FHIP2A: variants seen among roughly 807,000 people sequenced by gnomAD.
FHIP2A encodes family with sequence similarity 160 member B1.
In FHIP2A, 46 loss-of-function variants were observed where a neutral mutation model predicts 93.5. That is an observed-to-expected ratio of 0.49 (90% confidence interval 0.39 to 0.63). FHIP2A has a LOEUF of 0.63. FHIP2A is among the 20% of genes least tolerant of loss of function. FHIP2A has a pLI of 0.00. For missense variants in FHIP2A, 769 were observed against 909.7 expected, an observed-to-expected ratio of 0.85 and a Z score of 1.99; for synonymous variants, 332 against 326.5, an observed-to-expected ratio of 1.02 and a Z score of -0.18.
intron 16 of FHIP2A, among the ~76,000 whole-genome samples, chr10:114,885,305 G>A (rs1173216912): frequency 6.6e-6 from 1 of 150,912 alleles, no homozygotes; most frequent in Non-Finnish European, 1.5e-5. Flanking sequence ...TGAGGCAGGA[G>A]AATCGTTTGA....
chr10:114,884,899 G>C lies in FHIP2A; in HGVS notation c.2193-14591G>C, dbSNP rs2083934526. Among the ~76,000 whole-genome samples the C allele has an allele frequency of 3.6e-5, 5 of 137,770 alleles. No homozygotes were observed. In the South Asian group the frequency reaches 1.2e-3, roughly 33 times the overall value. The allele number at this position is 137,770 out of a possible 152,430, so 90.4% of individuals were successfully genotyped here. On this transcript the variant is annotated intron_variant, in intron 16 of 16. Coordinates refer to the FHIP2A transcript ENST00000369250. ...ACTGCATTCCAGCCTGGGCGACAGAGTGAGACTCCATCAAAAAAAAAAAAA... is the reference window on the plus strand; with the variant it reads ...ACTGCATTCCAGCCTGGGCGACAGACTGAGACTCCATCAAAAAAAAAAAAA...
At chr10:114,855,438 G>T in intron 14 of FHIP2A, 98 bp downstream of exon 14, 2 of 1,073,406 alleles carry the variant, frequency 1.9e-6, no homozygotes, top group Non-Finnish European at 1.3e-6. Flanking sequence ...TACTTTTATT[G>T]TTTTCTTACT....
intron 16 of FHIP2A, among the ~76,000 whole-genome samples, chr10:114,885,958 A>C (rs1187890058): frequency 1.3e-5 from 2 of 152,224 alleles, no homozygotes; most frequent in Admixed American, 1.3e-4. Flanking sequence ...TTAACGTAAA[A>C]GGGTGACATG....
chr10:114,846,536 G>T, intron 10 of FHIP2A, 23 bp from the exon 11 acceptor site: 1 of 1,559,946 alleles, frequency 6.4e-7, no homozygotes, highest in Non-Finnish European at 8.6e-7. Context: ...TTTTCAGTTA[G>T]CTTTTATCAA....
intron 16 of FHIP2A, among the ~76,000 whole-genome samples, chr10:114,873,844 C>A (rs1057393063): frequency 3.8e-4 from 58 of 151,906 alleles, no homozygotes; most frequent in Non-Finnish European, 5.9e-5. Context: ...CAAAATACTC[C>A]CAGCTCATCT....
chr10:114,886,113 G>A (rs1159455843), intron 16 of FHIP2A, among the ~76,000 whole-genome samples: 1 of 152,184 alleles, frequency 6.6e-6, no homozygotes, highest in African/African-American at 2.4e-5. Flanking sequence ...GGAGGAGGAG[G>A]AGGAATTAAC....
chr10:114,845,334 C>A, intron 7 of FHIP2A, 33 bp from the exon 8 acceptor site: 1 of 1,294,056 alleles, frequency 7.7e-7, no homozygotes, highest in Non-Finnish European at 1.1e-6. Flanking sequence ...TTTTGGATAA[C>A]TTTGGACTTA....
chr10:114,891,049 C>T (rs1273961418), intron 16 of FHIP2A, among the ~76,000 whole-genome samples: 1 of 151,274 alleles, frequency 6.6e-6, no homozygotes, highest in Non-Finnish European at 1.5e-5. Context: ...TTTTAACTAG[C>T]TGGGCATGGT....
intron 1 of FHIP2A, among the ~76,000 whole-genome samples, chr10:114,825,624 G>T (rs1424135198): frequency 6.6e-6 from 1 of 152,104 alleles, no homozygotes; most frequent in Non-Finnish European, 1.5e-5. Flanking sequence ...GAAATGATTG[G>T]CCAGTAAGAG....
chr10:114,840,236 T>C (rs1188959955), intron 5 of FHIP2A, among the ~76,000 whole-genome samples: 1 of 151,984 alleles, frequency 6.6e-6, no homozygotes, highest in Non-Finnish European at 1.5e-5. Flanking sequence ...AAAAAATAAA[T>C]AAATACAGAC....
chr10:114,824,796 G>A (rs1395464739), intron 1 of FHIP2A, among the ~76,000 whole-genome samples: 1 of 152,050 alleles, frequency 6.6e-6, no homozygotes, highest in African/African-American at 2.4e-5. Context: ...GTGTGTTCCT[G>A]TTCATGTGTA....
intron 16 of FHIP2A, among the ~76,000 whole-genome samples, chr10:114,875,330 G>C (rs1434242082): frequency 6.6e-6 from 1 of 152,118 alleles, no homozygotes; most frequent in Non-Finnish European, 1.5e-5. Flanking sequence ...GATCTGTGAG[G>C]GAGGAGAAAA....
chr10:114,829,515 A>G (rs995146425), intron 1 of FHIP2A, among the ~76,000 whole-genome samples: 1 of 152,248 alleles, frequency 6.6e-6, no homozygotes, highest in African/African-American at 2.4e-5. Context: ...AGATAACTGG[A>G]GGTCACTTTT....
At chr10:114,870,604 G>A (rs1216872569) in intron 16 of FHIP2A, among the ~76,000 whole-genome samples, 1 of 152,134 alleles carries the variant, frequency 6.6e-6, no homozygotes, top group African/African-American at 2.4e-5. Flanking sequence ...GAGGTCTGAG[G>A]TCCAAAATGT....
At chr10:114,832,421 A>G (rs1242490686) in intron 2 of FHIP2A, among the ~76,000 whole-genome samples, 1 of 152,156 alleles carries the variant, frequency 6.6e-6, no homozygotes, top group African/African-American at 2.4e-5. Flanking sequence ...AGATTTCCCA[A>G]TCCTACAAAG....
chr10:114,898,854 A>G (rs2084013407), intron 16 of FHIP2A, among the ~76,000 whole-genome samples: 1 of 152,224 alleles, frequency 6.6e-6, no homozygotes, highest in Non-Finnish European at 1.5e-5. Flanking sequence ...AATGGTCTCA[A>G]TGTATCATCC....
At chr10:114,832,247 G>T (rs1480524900) in intron 2 of FHIP2A, among the ~76,000 whole-genome samples, 1 of 152,014 alleles carries the variant, frequency 6.6e-6, no homozygotes, top group Non-Finnish European at 1.5e-5. Flanking sequence ...TTTATTATAA[G>T]AAATCAATAA....
At chr10:114,877,262 T>G (rs570839756) in intron 16 of FHIP2A, among the ~76,000 whole-genome samples, 133 of 152,172 alleles carry the variant, frequency 8.7e-4, no homozygotes, top group Middle Eastern at 3.4e-3. Flanking sequence ...CCAAACAGTC[T>G]CTTTCCCCAC....
At position 114,862,093 on chromosome 10, in the gene FHIP2A, C is replaced by T. The variant is rs1042493313; in HGVS notation, c.*553C>T. On this transcript the variant is annotated 3_prime_UTR_variant, in exon 17 of 17. Transcript: ENST00000369248. The stretch of plus-strand genomic sequence containing the variant: ...TTATAGGCGATAAAAATGTGTAGAG[C>T]ACCATTAACTTTCTTCAGCTTTTTT... 6.4e-5 allele frequency: 61 copies of T among 950,496 alleles called. No individual in the cohort carries two copies. The African/African-American group carries it at 1.0e-3, about 16-fold the overall frequency. The allele number at this position is 950,496 out of a possible 1,614,324, so 58.9% of individuals were successfully genotyped here.
Sources: gnomAD v4.1 joint callset for allele counts (sites outside exome capture counted in the v4.1 genomes callset) on GRCh38, gnomAD v4.1.1 for gene constraint, MANE v1.5 for transcripts, NCBI Gene and HGNC (gene_info 2026-07-23, HGNC 2026-07-21) for gene names.